The following TRPA1 variants were observed in gnomAD, a reference collection of about 807,000 sequenced individuals.
TRPA1 encodes the protein transient receptor potential cation channel subfamily A member 1, also known as ankyrin-like with transmembrane domains 1.
TRPA1 carries 129 observed loss-of-function variants against 131.3 expected under a neutral mutation model. That is an observed-to-expected ratio of 0.98 (90% CI 0.85 to 1.14). TRPA1 has a LOEUF of 1.14. TRPA1 is among the 50% of genes most tolerant of loss of function. The probability of loss-of-function intolerance (pLI) is 0.00; values close to 1 mark genes in which losing one functional copy is unlikely to be tolerated. For missense variants in TRPA1, 1,304 were observed against 1,354.2 expected (o/e 0.96, Z 0.58); for synonymous variants, 441 against 451.7 (o/e 0.98, Z 0.30).
intron 20 of TRPA1, 73 bp from the exon 21 acceptor site, chr8:72,036,530 C>A: frequency 7.2e-7 from 1 of 1,382,266 alleles, no homozygotes; most frequent in East Asian, 2.3e-5. Flanking sequence ...TACATGCACC[C>A]CGTAATACAA....
intron 1 of TRPA1, 116 bp downstream of exon 1, chr8:72,075,183 C>T (rs1806145001): frequency 2.5e-6 from 2 of 810,842 alleles, no homozygotes; most frequent in East Asian, 2.4e-5. Flanking sequence ...GTGCACACAC[C>T]CCAAAGCTTG....
At position 72,060,788 on chromosome 8, in the gene TRPA1, A is replaced by G. The variant is rs188404486; in HGVS notation, c.944+837T>C. ...AGAGGGAGTTCCTTTCCATTCACAC[A>G]TATCCTATTGTGCCTGGTGGTTTGC... On this transcript the variant is annotated intron_variant, in intron 7 of 26. Transcript: ENST00000262209. Among the ~76,000 whole-genome samples the G allele has an allele frequency of 2.3e-3, 343 of 151,370 alleles. 3 individuals are homozygous for G. Among genetic ancestry groups the G allele is most frequent in the Non-Finnish European group, 4.1e-3 (279 of 67,912 alleles).
Position 72,055,696 on chromosome 8 carries a change from A to G in TRPA1, c.1354T>C (p.Phe452Leu). The G allele has an allele frequency of 6.2e-7, 1 of 1,613,680 alleles. No individual in the cohort carries two copies. The highest frequency in any genetic ancestry group is 8.5e-7 in the Non-Finnish European group (1 of 1,179,726). ...KSKDKKSPLH[F>L]AASYGRINTC... is the part of the protein sequence containing the mutation. ...TAGACTGACCCTTACCTGGCTGCAA[A>G]ATGCAGAGGTGATTTCTTATCTTTG... Residue 452 changes from phenylalanine (F) to leucine (L), a missense_variant, in exon 11 of 27, where the codon TTT (phenylalanine) becomes CTT (leucine). Coordinates refer to ENST00000262209, the MANE Select transcript of TRPA1 (RefSeq NM_007332.3).
At chr8:72,038,758 T>C (rs964140049) in intron 19 of TRPA1, 107 bp downstream of exon 19, 5 of 966,990 alleles carry the variant, frequency 5.2e-6, no homozygotes, top group Non-Finnish European at 3.0e-6. Context: ...TTACAGGCTA[T>C]TTATAATAAA....
chr8:72,028,250 A>G (rs568380733), intron 24 of TRPA1, among the ~76,000 whole-genome samples: 23 of 152,346 alleles, frequency 1.5e-4, no homozygotes, highest in African/African-American at 5.5e-4. Flanking sequence ...TTACAAAATA[A>G]CTTGAAGCAC....
At chr8:72,031,031 A>G (rs1269087917) in intron 23 of TRPA1, among the ~76,000 whole-genome samples, 1 of 152,214 alleles carries the variant, frequency 6.6e-6, no homozygotes, top group Non-Finnish European at 1.5e-5. Context: ...AGTAAGCTCT[A>G]TGAGACAAGG....
At chr8:72,089,805 C>A in the TRPA1 span, among the ~76,000 whole-genome samples, 4 of 151,912 alleles carry the variant, frequency 2.6e-5, no homozygotes, top group African/African-American at 9.7e-5. Context: ...CAGTTAAAAT[C>A]CAAACTGGCA....
intron 15 of TRPA1, among the ~76,000 whole-genome samples, chr8:72,050,115 C>T (rs1049686240): frequency 1.3e-5 from 2 of 152,070 alleles, no homozygotes. Flanking sequence ...CACGACAGGC[C>T]CCGGTGTGTG....
intron 6 of TRPA1, 53 bp downstream of exon 6, chr8:72,062,746 T>C (rs1585883439): frequency 2.6e-6 from 4 of 1,555,794 alleles, no homozygotes; most frequent in Non-Finnish European, 3.5e-6. Flanking sequence ...AAGCATTTTA[T>C]ATGTTTATGA....
At chr8:72,063,847 G>T (rs767487720) in intron 4 of TRPA1, among the ~76,000 whole-genome samples, 10 of 152,052 alleles carry the variant, frequency 6.6e-5, no homozygotes, top group Non-Finnish European at 1.3e-4. Flanking sequence ...ATTTTTCAAT[G>T]GGATTAATGA....
chr8:72,023,721 CA>C (rs1278659570), intron 26 of TRPA1, 92 bp downstream of exon 26: 4 of 816,980 alleles, frequency 4.9e-6, no homozygotes, highest in Non-Finnish European at 8.1e-6. Flanking sequence ...ATATATAAAA[CA>C]AAAACATCAA....
chr8:72,059,380 G>A lies in TRPA1; in HGVS notation c.993+10C>T. On this transcript the variant is annotated intron_variant, in intron 8 of 26. Coordinates refer to ENST00000262209, the MANE Select transcript of TRPA1 (RefSeq NM_007332.3). ...AGTAATAAAAATAAACCAGTAAAAG[G>A]AATAGTTACCACTGAAATTAAATAG... 1 of 1,527,186 alleles carries A rather than the reference G, an allele frequency of 6.5e-7. No homozygotes were observed. The highest frequency in any genetic ancestry group is 1.4e-5 in the African/African-American group (1 of 72,952). The allele number at this position is 1,527,186 out of a possible 1,614,324, so 94.6% of individuals were successfully genotyped here.
Position 72,053,813 on chromosome 8 carries a change from C to T in TRPA1, c.1584G>A (p.Gln528=). 6.2e-7 allele frequency: 1 copy of T among 1,612,516 alleles called. No individual in the cohort carries two copies. Among genetic ancestry groups the T allele is most frequent in the Non-Finnish European group, 8.5e-7 (1 of 1,179,854 alleles). ...LHHASMGGYT[Q]TMKVILDTNL... is the part of the protein sequence containing the mutation. Reference sequence around the variant, plus strand: ...TAGTATCAAGAATGACCTTCATGGTCTGAGTGTACCCGCCCATGGACGCAT... The same window carrying T: ...TAGTATCAAGAATGACCTTCATGGTTTGAGTGTACCCGCCCATGGACGCAT... The change falls in exon 13 of 27, where the codon CAG becomes CAA. Residue 528 remains glutamine (Q), a synonymous_variant. Coordinates refer to ENST00000262209, the MANE Select transcript of TRPA1 (RefSeq NM_007332.3).
At position 72,047,178 on chromosome 8, in the gene TRPA1, G is replaced by A. The variant is rs749297304; in HGVS notation, c.1935C>T (p.Ser645=). ...KVLLDFCMLH[S]TEDKSCRDYY... The stretch of plus-strand genomic sequence containing the variant: ...AGTCTCGGCAGGACTTGTCTTCTGT[G>A]GAATGCAACATGCAGAAATCTAAAA... Residue 645 remains serine, a synonymous_variant, in exon 16 of 27, where the codon TCC becomes TCT. Transcript: ENST00000262209. 4 of 1,611,000 alleles carry A rather than the reference G, an allele frequency of 2.5e-6. 1 individual carries two copies. In the East Asian group the frequency reaches 8.9e-5, roughly 36 times the overall value.
rs139300498 is a variant in TRPA1 at position 72,071,847 on chromosome 8, T to C, written c.132A>G (p.Ala44=). ...ESLKVVFEGS[A]YGLQNFNKQK... ...GCTTATTAAAGTTTTGTAATCCATA[T>C]GCACTTCCTTCAAAAACCACCTAGA... Residue 44 remains alanine, a synonymous_variant, in exon 2 of 27, where the codon GCA becomes GCG. Coordinates refer to ENST00000262209, the MANE Select transcript of TRPA1 (RefSeq NM_007332.3). 3.7e-6 allele frequency: 6 copies of C among 1,611,928 alleles called. No individual in the cohort carries two copies. Among genetic ancestry groups the C allele is most frequent in the African/African-American group, 1.3e-5 (1 of 74,874 alleles).
Position 72,034,394 on chromosome 8 carries a change from A to C in TRPA1, c.2556-17T>G, listed in dbSNP as rs577233120. 6.2e-5 allele frequency: 90 copies of C among 1,440,808 alleles called. No homozygotes were observed. The African/African-American group carries it at 1.2e-3, about 19-fold the overall frequency. The allele number at this position is 1,440,808 out of a possible 1,614,324, so 89.3% of individuals were successfully genotyped here. A position where few individuals can be genotyped will look rare whatever the true frequency, so the allele number is the denominator to read the frequency against. On this transcript the variant is annotated splice_polypyrimidine_tract_variant and intron_variant, in intron 21 of 26. Transcript: ENST00000262209. Reference sequence around the variant, plus strand: ...TTTTCAAATCTAGAAAAGTAAAAAAAAAAAAATTTACTCACTTTTATAGTC... The same window carrying C: ...TTTTCAAATCTAGAAAAGTAAAAAACAAAAAATTTACTCACTTTTATAGTC...
At chr8:72,077,290 TGG>T (rs71265967), upstream of TRPA1, among the ~76,000 whole-genome samples, 87,468 of 133,276 alleles carry the variant, frequency 0.66, 28,002 homozygotes, top group East Asian at 0.93. Context: ...GTGACAGGGG[TGG>T]GGGGGGGGGC....
In TRPA1 at chr8:72,036,380, G is replaced by C. The variant is rs1013768330; in HGVS notation, c.2463C>G (p.Pro821=). ...GATGAGCTGGTATTTCAACAAACAA[G>C]GGCAGCACAAAAATGATGCCCGTCG... The part of the protein sequence containing the change: ...IYTTGIIFVL[P]LFVEIPAHLQ... Residue 821 remains proline, a synonymous_variant, in exon 21 of 27, where the codon CCC becomes CCG. Coordinates refer to ENST00000262209, the MANE Select transcript of TRPA1 (RefSeq NM_007332.3). 1 of 1,613,964 alleles carries C rather than the reference G, an allele frequency of 6.2e-7. No homozygotes were observed. Among genetic ancestry groups the C allele is most frequent in the East Asian group, 2.2e-5 (1 of 44,882 alleles).
At position 72,022,884 on chromosome 8, in the gene TRPA1, G is replaced by GC; in HGVS notation, c.*21dup. ...GCAAGTCATGCACCCCCCATTAGAAGCCTCACTGAAGGTCTGAGGAGCTAA... is the reference window on the plus strand; with the variant it reads ...GCAAGTCATGCACCCCCCATTAGAAGCCCTCACTGAAGGTCTGAGGAGCTAA... On this transcript the variant is annotated 3_prime_UTR_variant, in exon 27 of 27. Transcript: ENST00000262209. 6.2e-7 allele frequency: 1 copy of GC among 1,604,496 alleles called. No individual in the cohort carries two copies. The highest frequency in any genetic ancestry group is 1.1e-5 in the South Asian group (1 of 90,892).
Sources: gnomAD v4.1 joint callset for allele counts (sites outside exome capture counted in the v4.1 genomes callset) on GRCh38, gnomAD v4.1.1 for gene constraint, MANE v1.5 for transcripts, NCBI Gene and HGNC (gene_info 2026-07-23, HGNC 2026-07-21) for gene names.